The following FSTL5 variants were observed in gnomAD, a reference collection of about 807,000 sequenced individuals.
FSTL5 encodes follistatin like 5, also known as follistatin-related protein 5.
In FSTL5, 62 loss-of-function variants were observed where a neutral mutation model predicts 89.1. The ratio of observed to expected loss-of-function variants is 0.70; its 90% confidence interval spans 0.57 to 0.86. FSTL5 has a LOEUF of 0.86. Among genes scored for constraint, FSTL5 ranks in the 40% least tolerant of loss-of-function variants. The pLI, the probability that FSTL5 is intolerant of heterozygous loss-of-function variation, is 0.00. For synonymous variants in FSTL5, 383 were observed against 346.2 expected (o/e 1.11, Z -1.18); for missense variants, 1,057 against 1,001.6 (o/e 1.06, Z -0.75).
chr4:161,783,911 G>T (rs1741787385), intron 4 of FSTL5, among the ~76,000 whole-genome samples: 1 of 149,250 alleles, frequency 6.7e-6, no homozygotes, highest in Admixed American at 6.8e-5. Flanking sequence ...GATTACAGGT[G>T]TGTACCACCA....
chr4:161,781,822 A>G (rs1194293729), intron 4 of FSTL5, among the ~76,000 whole-genome samples: 1 of 152,178 alleles, frequency 6.6e-6, no homozygotes, highest in Non-Finnish European at 1.5e-5. Context: ...CAATTGTATA[A>G]TGACATTTAT....
chr4:161,699,923 A>G (rs1738325234), intron 6 of FSTL5, among the ~76,000 whole-genome samples: 1 of 152,164 alleles, frequency 6.6e-6, no homozygotes, highest in African/African-American at 2.4e-5. Flanking sequence ...AACATTCAAA[A>G]TGTTTAGTAG....
chr4:161,897,766 G>C (rs1733213355), intron 4 of FSTL5, among the ~76,000 whole-genome samples: 1 of 151,652 alleles, frequency 6.6e-6, no homozygotes, highest in South Asian at 2.1e-4. Context: ...TCCATTCTTT[G>C]TGTTGTACAT....
At chr4:161,985,697 AT>A (rs1735945387) in intron 3 of FSTL5, among the ~76,000 whole-genome samples, 1 of 151,788 alleles carries the variant, frequency 6.6e-6, no homozygotes, top group Non-Finnish European at 1.5e-5. Context: ...ATGTGAACAC[AT>A]ACTACTACTT....
intron 6 of FSTL5, among the ~76,000 whole-genome samples, chr4:161,737,613 G>T (rs979999352): frequency 2.0e-5 from 3 of 151,864 alleles, no homozygotes; most frequent in African/African-American, 7.3e-5. Flanking sequence ...CATTATTTTT[G>T]ACATATTTCA....
chr4:161,528,202 G>A (rs1445999811), intron 10 of FSTL5, among the ~76,000 whole-genome samples: 1 of 137,252 alleles, frequency 7.3e-6, no homozygotes, highest in Non-Finnish European at 1.6e-5. Context: ...GCTAAATGAC[G>A]AGTTAATGGG....
Position 161,638,203 on chromosome 4 carries a change from G to T in FSTL5, c.894+18125C>A, listed in dbSNP as rs375377836. 7.3e-5 allele frequency among the ~76,000 whole-genome samples: 11 copies of T among 151,668 alleles called. No individual in the cohort carries two copies. The East Asian group carries it at 1.4e-3, about 19-fold the overall frequency. On this transcript the variant is annotated intron_variant, in intron 7 of 15. Coordinates refer to ENST00000306100, the MANE Select transcript of FSTL5 (RefSeq NM_020116.5). ...ACATCCCTTGTAAGTTGGATTCCTA[G>T]GTATTTTATTCTCTTTGAAGCAATT...
chr4:162,034,361 G>A (rs1221606080), intron 2 of FSTL5, among the ~76,000 whole-genome samples: 3 of 151,950 alleles, frequency 2.0e-5, no homozygotes, highest in Admixed American at 6.6e-5. Flanking sequence ...CACAAACATC[G>A]GGGAGAATTT....
chr4:161,574,741 T>A (rs1216014909), intron 8 of FSTL5, among the ~76,000 whole-genome samples: 2 of 152,190 alleles, frequency 1.3e-5, no homozygotes, highest in Non-Finnish European at 2.9e-5. Flanking sequence ...ATGTGCCACG[T>A]TTTTCATTGA....
intron 3 of FSTL5, among the ~76,000 whole-genome samples, chr4:161,923,864 C>A (rs556636170): frequency 6.6e-6 from 1 of 151,880 alleles, no homozygotes; most frequent in Non-Finnish European, 1.5e-5. Flanking sequence ...AACTATTTTA[C>A]ACTAGCTAGA....
At chr4:162,114,462 T>C (rs1731557320) in intron 1 of FSTL5, among the ~76,000 whole-genome samples, 1 of 151,930 alleles carries the variant, frequency 6.6e-6, no homozygotes, top group African/African-American at 2.4e-5. Context: ...TCAGTTAAGA[T>C]TTCTCTTTCT....
chr4:161,725,056 C>A (rs1046490468), intron 6 of FSTL5, among the ~76,000 whole-genome samples: 2 of 151,958 alleles, frequency 1.3e-5, no homozygotes, highest in Non-Finnish European at 2.9e-5. Context: ...ATTAGCTGGG[C>A]GTGGTGTCAC....
At chr4:161,436,445 T>C (rs1379912415) in intron 15 of FSTL5, among the ~76,000 whole-genome samples, 1 of 152,184 alleles carries the variant, frequency 6.6e-6, no homozygotes, top group Non-Finnish European at 1.5e-5. Flanking sequence ...AAACTATCCC[T>C]GGACATTTTC....
intron 4 of FSTL5, among the ~76,000 whole-genome samples, chr4:161,785,005 G>GGCACT (rs766098996): frequency 7.9e-5 from 12 of 151,946 alleles, no homozygotes; most frequent in Admixed American, 6.6e-4. Context: ...TCACATTGCT[G>GGCACT]GCACTGTTGT....
At chr4:162,145,722 A>G in intron 1 of FSTL5, among the ~76,000 whole-genome samples, 1 of 152,190 alleles carries the variant, frequency 6.6e-6, no homozygotes, top group East Asian at 1.9e-4. Flanking sequence ...TAACATAGGA[A>G]GAATTAGGAT....
intron 15 of FSTL5, among the ~76,000 whole-genome samples, chr4:161,424,104 C>G (rs1732090417): frequency 7.0e-6 from 1 of 143,518 alleles, no homozygotes; most frequent in Non-Finnish European, 1.5e-5. Flanking sequence ...GTCTCGATCT[C>G]CTGGCCTCAT....
intron 6 of FSTL5, among the ~76,000 whole-genome samples, chr4:161,697,871 C>T (rs1465576683): frequency 6.6e-6 from 1 of 152,158 alleles, no homozygotes; most frequent in Admixed American, 6.5e-5. Context: ...ATTATTGCCC[C>T]CCAACGCCTG....
At chr4:161,865,018 G>T (rs1732036683) in intron 4 of FSTL5, among the ~76,000 whole-genome samples, 1 of 152,046 alleles carries the variant, frequency 6.6e-6, no homozygotes, top group Middle Eastern at 3.4e-3. Context: ...AATAATCAGA[G>T]ATACGCAGAG....
At chr4:161,646,023 T>TA (rs977325623) in intron 7 of FSTL5, among the ~76,000 whole-genome samples, 1 of 151,562 alleles carries the variant, frequency 6.6e-6, no homozygotes, top group African/African-American at 2.4e-5. Flanking sequence ...CACTCTATAT[T>TA]AAAAAATAAC....
Sources: gnomAD v4.1 joint callset for allele counts (sites outside exome capture counted in the v4.1 genomes callset) on GRCh38, gnomAD v4.1.1 for gene constraint, MANE v1.5 for transcripts, NCBI Gene and HGNC (gene_info 2026-07-23, HGNC 2026-07-21) for gene names.